The following HMGB1 variants were observed in gnomAD, a reference collection of about 807,000 sequenced individuals.
The protein encoded by HMGB1 is high mobility group protein B1.
For missense variants in HMGB1, 79 were observed against 253.5 expected (o/e 0.31, Z 4.67); for synonymous variants, 81 against 84.0 (o/e 0.96, Z 0.19).
intron 1 of HMGB1, among the ~76,000 whole-genome samples, chr13:30,575,345 C>A (rs1176734297): frequency 6.6e-6 from 1 of 152,032 alleles, no homozygotes; most frequent in Non-Finnish European, 1.5e-5. Context: ...CTACGCTGAC[C>A]CCATTAAAAT....
intron 1 of HMGB1, among the ~76,000 whole-genome samples, chr13:30,591,703 T>C (rs895059474): frequency 6.6e-6 from 1 of 152,096 alleles, no homozygotes; most frequent in Admixed American, 6.5e-5. Flanking sequence ...GGTTTTGCCA[T>C]GTTGCCCAGG....
intron 1 of HMGB1, among the ~76,000 whole-genome samples, chr13:30,613,535 T>G (rs1293303958): frequency 6.6e-6 from 1 of 152,256 alleles, no homozygotes; most frequent in Non-Finnish European, 1.5e-5. Context: ...ATTGTAAATC[T>G]TGCTCAGTGG....
At chr13:30,590,171 G>A (rs1434083699) in intron 1 of HMGB1, among the ~76,000 whole-genome samples, 2 of 152,060 alleles carry the variant, frequency 1.3e-5, no homozygotes, top group South Asian at 4.2e-4. Flanking sequence ...TTCTATATCT[G>A]CACTGTCCAA....
chr13:30,605,478 A>G (rs946951501), intron 1 of HMGB1, among the ~76,000 whole-genome samples: 21 of 152,366 alleles, frequency 1.4e-4, no homozygotes, highest in South Asian at 1.2e-3. Context: ...GAGAATCATT[A>G]TACTCATTTG....
Position 30,553,690 on chromosome 13 carries a change from GGGAGTTCAAGGAGTT to G in HMGB1, c.-15+62966_-15+62980del, listed in dbSNP as rs1280455926. The stretch of plus-strand genomic sequence containing the variant: ...CCAGCCATGCCCACCATCATTGAGC[GGGAGTTCAAGGAGTT>G]GGATGCTCAGCATCGCTGGCAGCTG... On this transcript the variant is annotated intron_variant, in intron 1 of 4. Transcript: ENST00000405805. 14 of 863,658 alleles carry G rather than the reference GGGAGTTCAAGGAGTT, an allele frequency of 1.6e-5. 1 individual carries two copies. In the East Asian group the frequency reaches 3.3e-4, roughly 20 times the overall value. 53.5% of individuals were successfully genotyped at this position (863,658 alleles called of 1,614,324 possible).
chr13:30,536,516 A>G (rs1868441289), intron 1 of HMGB1, among the ~76,000 whole-genome samples: 1 of 152,052 alleles, frequency 6.6e-6, no homozygotes, highest in Non-Finnish European at 1.5e-5. Flanking sequence ...CACCCGGCTA[A>G]TTTTTGTATT....
intron 1 of HMGB1, among the ~76,000 whole-genome samples, chr13:30,572,155 G>C (rs1289477683): frequency 6.6e-6 from 1 of 152,192 alleles, no homozygotes; most frequent in African/African-American, 2.4e-5. Context: ...AACAATGCCA[G>C]GCAGAGGTGG....
intron 1 of HMGB1, among the ~76,000 whole-genome samples, chr13:30,597,000 C>A (rs1325159945): frequency 6.6e-6 from 1 of 152,194 alleles, no homozygotes; most frequent in Non-Finnish European, 1.5e-5. Context: ...TCCTAGACAG[C>A]TGTATGATTT....
At chr13:30,536,681 C>T (rs970924840) in intron 1 of HMGB1, among the ~76,000 whole-genome samples, 1 of 152,316 alleles carries the variant, frequency 6.6e-6, no homozygotes, top group Admixed American at 6.5e-5. Flanking sequence ...TATTATTCAA[C>T]AACTGTGTAA....
In HMGB1 at chr13:30,542,325, G is replaced by T. The variant is rs142550272; in HGVS notation, c.-15+74346C>A. 270 of 166,862 alleles carry T rather than the reference G, an allele frequency of 1.6e-3. 2 individuals are homozygous for T. Among genetic ancestry groups the T allele is most frequent in the African/African-American group, 6.2e-3 (261 of 41,882 alleles). The allele number at this position is 166,862 out of a possible 1,614,324, so 10.3% of individuals were successfully genotyped here. Reference sequence around the variant, plus strand: ...CTCCGTCTCATCCTCACTGTCTGTGGACTCTCCATACTCAGATCTGCTCTG... The same window carrying T: ...CTCCGTCTCATCCTCACTGTCTGTGTACTCTCCATACTCAGATCTGCTCTG... On this transcript the variant is annotated intron_variant, in intron 1 of 4. Coordinates refer to the HMGB1 transcript ENST00000405805.
intron 1 of HMGB1, among the ~76,000 whole-genome samples, chr13:30,532,543 C>T (rs1888519968): frequency 6.6e-6 from 1 of 152,106 alleles, no homozygotes; most frequent in Non-Finnish European, 1.5e-5. Flanking sequence ...GAGTCTCACT[C>T]TGTCGCCCAG....
At chr13:30,481,553 C>A (rs1887228560) in intron 1 of HMGB1, among the ~76,000 whole-genome samples, 1 of 152,230 alleles carries the variant, frequency 6.6e-6, no homozygotes, top group Admixed American at 6.5e-5. Context: ...TGGCATTTTT[C>A]TAAATTGAGA....
chr13:30,508,516 AAAAAGAAAAG>A (rs371294799), intron 1 of HMGB1, among the ~76,000 whole-genome samples: 2 of 151,952 alleles, frequency 1.3e-5, no homozygotes, highest in East Asian at 1.9e-4. Context: ...CTCTCAAGAA[AAAAAGAAAAG>A]AAAAGAAAAG....
chr13:30,530,108 T>C (rs1447682598), intron 1 of HMGB1, among the ~76,000 whole-genome samples: 4 of 152,202 alleles, frequency 2.6e-5, no homozygotes, highest in Non-Finnish European at 5.9e-5. Context: ...TAATATATAA[T>C]ACACAATACA....
At chr13:30,529,597 T>C (rs1888450778) in intron 1 of HMGB1, among the ~76,000 whole-genome samples, 2 of 152,210 alleles carry the variant, frequency 1.3e-5, no homozygotes, top group Admixed American at 1.3e-4. Context: ...GAACGCAAAC[T>C]TGATTCACTT....
intron 1 of HMGB1, among the ~76,000 whole-genome samples, chr13:30,474,959 G>GTTTTTT (rs776923842): frequency 9.4e-5 from 6 of 64,038 alleles, no homozygotes; most frequent in African/African-American, 3.6e-4. Flanking sequence ...TTCTTTTTTT[G>GTTTTTT]TTTTTTTTTT....
At chr13:30,519,417 C>T (rs1322581167) in intron 1 of HMGB1, among the ~76,000 whole-genome samples, 6 of 143,658 alleles carry the variant, frequency 4.2e-5, no homozygotes, top group South Asian at 2.2e-4. Flanking sequence ...GTAAAAAGGC[C>T]GGGCGCGGTG....
intron 1 of HMGB1, among the ~76,000 whole-genome samples, chr13:30,477,549 C>G (rs1310514195): frequency 3.9e-5 from 6 of 152,170 alleles, no homozygotes; most frequent in Non-Finnish European, 2.9e-5. Context: ...TGTCCCAAGC[C>G]CAGAGAAAGG....
rs552172936 is a variant in HMGB1, at chr13:30,590,607, A to C, written c.-15+26064T>G. On this transcript the variant is annotated intron_variant, in intron 1 of 4. Coordinates refer to the HMGB1 transcript ENST00000405805. The stretch of plus-strand genomic sequence containing the variant: ...TGAGCAAAGAAATGACAAGCCGTTC[A>C]ATGCTGTTAGAGAATGAAATTCAAG... Among the ~76,000 whole-genome samples, 8 of 152,366 alleles carry C rather than the reference A, an allele frequency of 5.3e-5. No individual in the cohort carries two copies. In the South Asian group the frequency reaches 1.7e-3, roughly 32 times the overall value.
Sources: gnomAD v4.1 joint callset for allele counts (sites outside exome capture counted in the v4.1 genomes callset) on GRCh38, gnomAD v4.1.1 for gene constraint, MANE v1.5 for transcripts, NCBI Gene and HGNC (gene_info 2026-07-23, HGNC 2026-07-21) for gene names.